PAK1: variants seen among roughly 807,000 people sequenced by gnomAD.
The protein encoded by PAK1 is serine/threonine-protein kinase PAK 1.
A neutral mutation model predicts 67.4 loss-of-function variants in PAK1; 29 were observed. The observed-to-expected ratio is 0.43, with a 90% CI of 0.32 to 0.59. The LOEUF is 0.59. PAK1 is among the 20% of genes least tolerant of loss of function. PAK1 has a pLI of 0.07. For missense variants in PAK1, 337 were observed against 670.7 expected (o/e 0.50, Z 5.50); for synonymous variants, 223 against 237.4 (o/e 0.94, Z 0.56).
intron 1 of PAK1, among the ~76,000 whole-genome samples, chr11:77,413,258 A>G (rs1319903391): frequency 6.6e-6 from 1 of 152,248 alleles, no homozygotes; most frequent in Admixed American, 6.5e-5. Flanking sequence ...GAAAGGGGGT[A>G]GGAGTGGAAA....
In PAK1 at chr11:77,354,261, C is replaced by A. The variant is rs115628411; in HGVS notation, c.773-662G>T. Among the ~76,000 whole-genome samples the A allele has an allele frequency of 1.1e-3, 173 of 152,264 alleles. 1 individual carries two copies. The highest frequency in any genetic ancestry group is 4.1e-3 in the African/African-American group (169 of 41,558). On this transcript the variant is annotated intron_variant, in intron 7 of 14. Coordinates refer to ENST00000356341, the MANE Select transcript of PAK1 (RefSeq NM_002576.5). Reference sequence around the variant, plus strand: ...AGAAGGGAAGAAGATACTTCCCCCCCAAGGTCACACAGCAAATTGGTGTCA... The same window carrying A: ...AGAAGGGAAGAAGATACTTCCCCCCAAAGGTCACACAGCAAATTGGTGTCA...
intron 1 of PAK1, among the ~76,000 whole-genome samples, chr11:77,405,258 G>C (rs902085226): frequency 1.2e-4 from 19 of 152,218 alleles, no homozygotes; most frequent in African/African-American, 3.6e-4. Flanking sequence ...AGGTCAGACA[G>C]TGTGGAACTT....
chr11:77,478,848 G>A (rs1958087141), upstream of PAK1, among the ~76,000 whole-genome samples: 1 of 151,366 alleles, frequency 6.6e-6, no homozygotes, highest in African/African-American at 2.4e-5. Flanking sequence ...AGGCCGAGGT[G>A]GGCGGATCAT....
At chr11:77,468,803 T>C (rs1436410640) in intron 1 of PAK1, among the ~76,000 whole-genome samples, 5 of 152,156 alleles carry the variant, frequency 3.3e-5, no homozygotes, top group African/African-American at 1.2e-4. Context: ...CAAAGTAAAG[T>C]ACTACACTTA....
upstream of PAK1, among the ~76,000 whole-genome samples, chr11:77,479,209 C>A (rs574291743): frequency 6.6e-6 from 1 of 152,056 alleles, no homozygotes; most frequent in Non-Finnish European, 1.5e-5. Context: ...GTCACGAGTT[C>A]TATGGCTTCA....
Position 77,426,818 on chromosome 11 carries a change from G to A in PAK1, c.-21-34277C>T, listed in dbSNP as rs564863632. ...TTTAATGAGACTGAAAACCTGACAGGAAAAGCAAAAATGAGCAATCTTTAA... is the reference window on the plus strand; with the variant it reads ...TTTAATGAGACTGAAAACCTGACAGAAAAAGCAAAAATGAGCAATCTTTAA... On this transcript the variant is annotated intron_variant, in intron 1 of 14. Coordinates refer to ENST00000356341, the MANE Select transcript of PAK1 (RefSeq NM_002576.5). Among the ~76,000 whole-genome samples the A allele has an allele frequency of 3.5e-4, 48 of 137,554 alleles. 1 individual carries two copies. In the South Asian group the frequency reaches 0.011, roughly 30 times the overall value. 90.2% of individuals were successfully genotyped at this position (137,554 alleles called of 152,430 possible).
intron 10 of PAK1, among the ~76,000 whole-genome samples, chr11:77,340,985 G>A (rs908200576): frequency 2.6e-5 from 4 of 152,206 alleles, no homozygotes; most frequent in African/African-American, 9.7e-5. Context: ...TACATGTTCT[G>A]TGAAGCCCCA....
intron 5 of PAK1, among the ~76,000 whole-genome samples, chr11:77,361,598 G>A: frequency 6.6e-6 from 1 of 152,036 alleles, no homozygotes; most frequent in Non-Finnish European, 1.5e-5. Flanking sequence ...TTATTAAGAT[G>A]TTTCTCACAA....
chr11:77,383,457 C>T (rs949659790), intron 2 of PAK1, among the ~76,000 whole-genome samples: 28 of 151,916 alleles, frequency 1.8e-4, no homozygotes, highest in Non-Finnish European at 3.7e-4. Context: ...TCCCAAGTAG[C>T]TGAGATTACA....
At chr11:77,404,381 C>T (rs1953156207) in intron 1 of PAK1, among the ~76,000 whole-genome samples, 1 of 152,026 alleles carries the variant, frequency 6.6e-6, no homozygotes, top group Non-Finnish European at 1.5e-5. Flanking sequence ...GATTCTCCTG[C>T]CTCAGCCTCC....
At chr11:77,430,380 G>A (rs183941749) in intron 1 of PAK1, among the ~76,000 whole-genome samples, 3 of 152,232 alleles carry the variant, frequency 2.0e-5, no homozygotes, top group East Asian at 3.9e-4. Context: ...CTTGCTATTC[G>A]AAGAGTCCTT....
At chr11:77,443,927 T>C (rs940822626) in intron 1 of PAK1, among the ~76,000 whole-genome samples, 2 of 152,192 alleles carry the variant, frequency 1.3e-5, no homozygotes, top group Non-Finnish European at 2.9e-5. Context: ...TTACAGTATA[T>C]AGTATTCTGG....
chr11:77,505,698 C>T, the PAK1 span, among the ~76,000 whole-genome samples: 1 of 152,238 alleles, frequency 6.6e-6, no homozygotes, highest in Non-Finnish European at 1.5e-5. Flanking sequence ...TTTCCAGTAA[C>T]ATCCTCAAAT....
the PAK1 span, among the ~76,000 whole-genome samples, chr11:77,529,452 C>T: frequency 6.6e-6 from 1 of 152,188 alleles, no homozygotes; most frequent in African/African-American, 2.4e-5. Flanking sequence ...AAACTTCATG[C>T]CCAGGGCAAC....
the PAK1 span, among the ~76,000 whole-genome samples, chr11:77,488,049 T>C: frequency 6.6e-6 from 1 of 152,226 alleles, no homozygotes; most frequent in Admixed American, 6.5e-5. Flanking sequence ...ATCACTCCTC[T>C]TCCAGCTCCA....
the PAK1 span, among the ~76,000 whole-genome samples, chr11:77,508,244 G>T: frequency 1.3e-5 from 2 of 152,306 alleles, no homozygotes; most frequent in African/African-American, 4.8e-5. Flanking sequence ...TCCACAGGCT[G>T]CCTTGGGAAT....
chr11:77,414,647 G>C (rs780126129), intron 1 of PAK1, among the ~76,000 whole-genome samples: 4 of 152,156 alleles, frequency 2.6e-5, no homozygotes, highest in African/African-American at 7.2e-5. Context: ...AATGAAGAAA[G>C]GACAGTCTTT....
chr11:77,438,278 TTCAC>T (rs1956215080), intron 1 of PAK1, among the ~76,000 whole-genome samples: 1 of 152,036 alleles, frequency 6.6e-6, no homozygotes, highest in Non-Finnish European at 1.5e-5. Flanking sequence ...CTCATGAGAA[TTCAC>T]TCACTATCAT....
chr11:77,462,514 A>C (rs1957398977), intron 1 of PAK1, among the ~76,000 whole-genome samples: 1 of 151,952 alleles, frequency 6.6e-6, no homozygotes, highest in Non-Finnish European at 1.5e-5. Flanking sequence ...GAACTTAAGA[A>C]AATCAAATAA....
Sources: allele counts gnomAD v4.1 joint callset (sites outside exome capture counted in the v4.1 genomes callset), GRCh38; gene constraint gnomAD v4.1.1; transcripts MANE v1.5; gene names NCBI Gene and HGNC (gene_info 2026-07-23, HGNC 2026-07-21).